TBC1D12: variants seen among roughly 807,000 people sequenced by gnomAD.
TBC1D12 encodes the protein TBC1 domain family member 12.
In TBC1D12, 56 loss-of-function variants were observed where a neutral mutation model predicts 86.7. That is an observed-to-expected ratio of 0.65 (90% CI 0.52 to 0.81). The LOEUF (loss-of-function observed/expected upper bound fraction) is 0.81. TBC1D12 is among the 30% of genes least tolerant of loss of function. The probability of loss-of-function intolerance (pLI) is 0.00; values close to 1 mark genes in which losing one functional copy is unlikely to be tolerated. For missense variants in TBC1D12, 1,023 were observed against 1,038.8 expected, an observed-to-expected ratio of 0.98 and a Z score of 0.21; for synonymous variants, 421 against 411.7, an observed-to-expected ratio of 1.02 and a Z score of -0.27.
At chr10:94,486,162 T>C (rs1448123699) in intron 3 of TBC1D12, among the ~76,000 whole-genome samples, 1 of 148,202 alleles carries the variant, frequency 6.7e-6, no homozygotes, top group Non-Finnish European at 1.5e-5. Flanking sequence ...TTTTTTGTTA[T>C]TGTTGAACAT....
At chr10:94,489,584 A>G (rs1294420204) in intron 3 of TBC1D12, among the ~76,000 whole-genome samples, 2 of 152,196 alleles carry the variant, frequency 1.3e-5, no homozygotes, top group Non-Finnish European at 2.9e-5. Flanking sequence ...CTATTCTGCC[A>G]TCTTTCTTCA....
At chr10:94,417,123 G>A (rs1438190321) in intron 1 of TBC1D12, among the ~76,000 whole-genome samples, 2 of 152,142 alleles carry the variant, frequency 1.3e-5, no homozygotes, top group Admixed American at 6.6e-5. Context: ...ATTTCGGAAC[G>A]GTGACTTGCA....
At chr10:94,428,335 T>A (rs1414937469) in intron 1 of TBC1D12, among the ~76,000 whole-genome samples, 1 of 150,058 alleles carries the variant, frequency 6.7e-6, no homozygotes, top group Non-Finnish European at 1.5e-5. Context: ...TTTCCCAGGC[T>A]GGAGTGCAGT....
chr10:94,443,331 C>T (rs1252355991), intron 2 of TBC1D12, among the ~76,000 whole-genome samples: 4 of 152,064 alleles, frequency 2.6e-5, no homozygotes, highest in Non-Finnish European at 5.9e-5. Flanking sequence ...TTTCAAGAGA[C>T]TTGGTATTGC....
At chr10:94,500,885 GTC>G (rs1370436930) in intron 6 of TBC1D12, among the ~76,000 whole-genome samples, 10 of 151,620 alleles carry the variant, frequency 6.6e-5, no homozygotes, top group African/African-American at 2.4e-4. Context: ...GCGAAACCCT[GTC>G]TCTAGTAAAA....
intron 3 of TBC1D12, among the ~76,000 whole-genome samples, chr10:94,492,435 A>G (rs898639786): frequency 9.9e-5 from 15 of 152,218 alleles, no homozygotes; most frequent in African/African-American, 3.6e-4. Context: ...TGTTTAACTA[A>G]GGGAAATGAA....
chr10:94,442,079 CTTCTTT>C (rs972211847), intron 2 of TBC1D12, 60 bp downstream of exon 2: 71 of 1,316,748 alleles, frequency 5.4e-5, no homozygotes, highest in Middle Eastern at 4.0e-4. Flanking sequence ...TCTTCTTCTT[CTTCTTT>C]TTTTTTTTTT....
chr10:94,419,616 C>T (rs1377480241), intron 1 of TBC1D12, among the ~76,000 whole-genome samples: 3 of 152,086 alleles, frequency 2.0e-5, no homozygotes, highest in Non-Finnish European at 4.4e-5. Flanking sequence ...TTGCAGTGAG[C>T]CGAGATTGCG....
At chr10:94,407,112 G>A (rs1458731873) in intron 1 of TBC1D12, among the ~76,000 whole-genome samples, 1 of 152,018 alleles carries the variant, frequency 6.6e-6, no homozygotes, top group Non-Finnish European at 1.5e-5. Context: ...TTTACACAAT[G>A]TATCTATTAC....
rs557951000 is a variant in TBC1D12, at chr10:94,416,983, G to A, written c.971+13399G>A. Among the ~76,000 whole-genome samples, 8 of 152,282 alleles carry A rather than the reference G, an allele frequency of 5.3e-5. No homozygotes were observed. In the South Asian group the frequency reaches 1.2e-3, roughly 24 times the overall value. ...ATGTGTCAAAAACTGAGGCAAAAAG[G>A]TTGGGTCTAAATTATGGGGGAGCTA... On this transcript the variant is annotated intron_variant, in intron 1 of 12. Coordinates refer to ENST00000225235, the MANE Select transcript of TBC1D12 (RefSeq NM_015188.2).
intron 4 of TBC1D12, among the ~76,000 whole-genome samples, chr10:94,494,886 G>A (rs575027207): frequency 6.6e-6 from 1 of 151,968 alleles, no homozygotes; most frequent in East Asian, 1.9e-4. Flanking sequence ...TTTTAGAGAC[G>A]GGGTCGCACT....
At chr10:94,512,611 GAAAC>G (rs1288303047) in intron 9 of TBC1D12, among the ~76,000 whole-genome samples, 1 of 152,186 alleles carries the variant, frequency 6.6e-6, no homozygotes, top group East Asian at 1.9e-4. Flanking sequence ...TTAGAAGAAA[GAAAC>G]AGACAATAAA....
At chr10:94,413,783 T>TA (rs147657406) in intron 1 of TBC1D12, among the ~76,000 whole-genome samples, 1 of 152,004 alleles carries the variant, frequency 6.6e-6, no homozygotes, top group Non-Finnish European at 1.5e-5. Context: ...CTTTTTTTGT[T>TA]AAAAAATATT....
At chr10:94,421,398 A>C (rs1378957538) in intron 1 of TBC1D12, among the ~76,000 whole-genome samples, 1 of 152,224 alleles carries the variant, frequency 6.6e-6, no homozygotes, top group Admixed American at 6.5e-5. Context: ...CATCGTGTAC[A>C]TATGCATTTT....
chr10:94,511,546 ATTTGTACAG>A (rs1211297001), intron 8 of TBC1D12, 28 bp from the exon 9 acceptor site: 1 of 1,323,222 alleles, frequency 7.6e-7, no homozygotes, highest in Admixed American at 1.8e-5. Flanking sequence ...AGAGAAAATT[ATTTGTACAG>A]TTTCAAATTT....
intron 1 of TBC1D12, among the ~76,000 whole-genome samples, chr10:94,436,075 A>G (rs1464501972): frequency 6.6e-6 from 1 of 151,466 alleles, no homozygotes; most frequent in East Asian, 1.9e-4. Flanking sequence ...GTAAATTTGG[A>G]TATCTGTTAG....
chr10:94,441,900 C>G lies in TBC1D12; in HGVS notation c.976C>G (p.Leu326Val). ...TGTAACTTTTCTGTGTTTCAGAAAC[C>G]TTTTTCCAAAAAGGACAAAGGAACT... is the stretch of plus-strand genomic sequence containing the variant. Reference protein sequence around the residue: ...GGFADFFTRNLFPKRTKELKS... With the variant: ...GGFADFFTRNVFPKRTKELKS... The change falls in exon 2 of 13, where the codon CTT becomes GTT. Residue 326 changes from leucine (L) to valine (V), a missense_variant. Around this residue, in one of 2 missense-constraint regions of TBC1D12, gnomAD observed 628 missense variants for 531.1 expected, o/e 1.18. Coordinates refer to ENST00000225235, the MANE Select transcript of TBC1D12 (RefSeq NM_015188.2). The G allele has an allele frequency of 6.2e-7, 1 of 1,610,088 alleles. No homozygotes were observed. The highest frequency in any genetic ancestry group is 8.5e-7 in the Non-Finnish European group (1 of 1,178,782).
chr10:94,532,480 C>G (rs1326265541), intron 12 of TBC1D12, among the ~76,000 whole-genome samples: 1 of 152,168 alleles, frequency 6.6e-6, no homozygotes, highest in Non-Finnish European at 1.5e-5. Flanking sequence ...CTTGACTGGG[C>G]TTTATTTTAT....
intron 7 of TBC1D12, chr10:94,509,252 G>A (rs12769392): frequency 0.21 from 31,078 of 151,528 alleles, 3,331 homozygotes; most frequent in South Asian, 0.35. Context: ...TTACAGGTGC[G>A]CTCCACCATG....
Sources: allele counts gnomAD v4.1 joint callset (sites outside exome capture counted in the v4.1 genomes callset), GRCh38; gene constraint gnomAD v4.1.1; regional missense constraint gnomAD v4.1.1; transcripts MANE v1.5; gene names NCBI Gene and HGNC (gene_info 2026-07-23, HGNC 2026-07-21).